SEZ6L: variants seen among roughly 807,000 people sequenced by gnomAD.
SEZ6L encodes seizure related 6 homolog like.
A neutral mutation model predicts 106.2 loss-of-function variants in SEZ6L; 37 were observed. The observed-to-expected ratio is 0.35, with a 90% CI of 0.27 to 0.46. The LOEUF is 0.46. Ranked by LOEUF, SEZ6L falls within the 20% of genes least tolerant of loss-of-function variation. The pLI is 1.00. For missense variants in SEZ6L, 1,172 were observed against 1,332.8 expected (o/e 0.88, Z 1.88); for synonymous variants, 541 against 570.4 (o/e 0.95, Z 0.73).
chr22:26,177,593 T>C (rs1181197852), intron 1 of SEZ6L, among the ~76,000 whole-genome samples: 1 of 152,180 alleles, frequency 6.6e-6, no homozygotes, highest in African/African-American at 2.4e-5. Context: ...TGGGACAGTA[T>C]AGCAAAGTGA....
rs1410310341 is a variant in SEZ6L, at chr22:26,383,332, C to T, written c.*3037C>T. The T allele has an allele frequency of 1.3e-5, 2 of 151,894 alleles. No individual in the cohort carries two copies. The highest frequency in any genetic ancestry group is 2.4e-5 in the African/African-American group (1 of 41,362). The allele number at this position is 151,894 out of a possible 1,614,324, so 9.4% of individuals were successfully genotyped here. A position where few individuals can be genotyped will look rare whatever the true frequency, so the allele number is the denominator to read the frequency against. ...ATGTGGGTAGCTTTAGGCTGAGGCA[C>T]GGGCCTCAGGCAAAAATGCCCTTCG... On this transcript the variant is annotated 3_prime_UTR_variant, in exon 17 of 17. Coordinates refer to ENST00000248933, the MANE Select transcript of SEZ6L (RefSeq NM_021115.5).
At chr22:26,335,924 G>A (rs1368482552) in intron 9 of SEZ6L, among the ~76,000 whole-genome samples, 1 of 151,962 alleles carries the variant, frequency 6.6e-6, no homozygotes, top group Non-Finnish European at 1.5e-5. Flanking sequence ...ATACACATTC[G>A]ACCCTCCCTC....
chr22:26,292,584 T>C lies in SEZ6L; in HGVS notation c.273T>C (p.Ser91=), dbSNP rs2081165637. 6.2e-7 allele frequency: 1 copy of C among 1,613,674 alleles called. No homozygotes were observed. The highest frequency in any genetic ancestry group is 1.7e-5 in the Admixed American group (1 of 59,978). ...GELVLDGTAP[S]AHHDIPALSP... ...TGGTGCTGGATGGGACCGCACCCTC[T>C]GCACATCACGACATCCCAGCCCTGT... Residue 91 remains serine (S), a synonymous_variant, in exon 2 of 17, where the codon TCT becomes TCC. Coordinates refer to ENST00000248933, the MANE Select transcript of SEZ6L (RefSeq NM_021115.5).
chr22:26,314,615 TG>T (rs1190722613), intron 9 of SEZ6L, among the ~76,000 whole-genome samples: 2 of 152,254 alleles, frequency 1.3e-5, no homozygotes, highest in South Asian at 4.1e-4. Context: ...ATGTTTTTAA[TG>T]AACGGACTTA....
intron 1 of SEZ6L, among the ~76,000 whole-genome samples, chr22:26,186,780 A>G (rs1244091714): frequency 6.6e-6 from 1 of 152,132 alleles, no homozygotes; most frequent in South Asian, 2.1e-4. Flanking sequence ...TTAAAGTTTG[A>G]TCAAGCAGAG....
intron 1 of SEZ6L, among the ~76,000 whole-genome samples, chr22:26,284,622 A>C (rs1042014017): frequency 1.3e-5 from 2 of 150,820 alleles, no homozygotes; most frequent in Non-Finnish European, 3.0e-5. Context: ...AAAAAAAAAA[A>C]AAAAAAAAAA....
chr22:26,378,337 A>G (rs751293500), intron 16 of SEZ6L, among the ~76,000 whole-genome samples: 11 of 152,192 alleles, frequency 7.2e-5, no homozygotes, highest in Admixed American at 3.9e-4. Flanking sequence ...AGTTATCTCT[A>G]ATTGATTGAT....
At chr22:26,254,745 A>T (rs879359765) in intron 1 of SEZ6L, among the ~76,000 whole-genome samples, 1 of 152,190 alleles carries the variant, frequency 6.6e-6, no homozygotes, top group Non-Finnish European at 1.5e-5. Flanking sequence ...GCAATTGAGC[A>T]TCTGTCCTAC....
At chr22:26,247,481 G>T (rs1406797082) in intron 1 of SEZ6L, among the ~76,000 whole-genome samples, 1 of 152,152 alleles carries the variant, frequency 6.6e-6, no homozygotes. Flanking sequence ...AGGTCATGTG[G>T]AAGATGCAGA....
intron 7 of SEZ6L, 44 bp from the exon 8 acceptor site, chr22:26,311,724 G>A: frequency 6.5e-7 from 1 of 1,544,532 alleles, no homozygotes; most frequent in Non-Finnish European, 8.9e-7. Context: ...CCGTGGGGTA[G>A]TCCCTGCATC....
Position 26,373,481 on chromosome 22 carries a change from A to G in SEZ6L, c.2825A>G (p.Glu942Gly). ...CAAGACAGTTTTGAACATGCTTTAGAAGGTGAGTTCCAGAACGAAAAAAAA... is the reference window on the plus strand; with the variant it reads ...CAAGACAGTTTTGAACATGCTTTAGGAGGTGAGTTCCAGAACGAAAAAAAA... ...VNQDSFEHAL[E>G]VAEAAAETSL... The change falls in exon 14 of 17, where the codon GAA becomes GGA. Residue 942 changes from glutamate to glycine, a missense_variant and splice_region_variant. Coordinates refer to ENST00000248933, the MANE Select transcript of SEZ6L (RefSeq NM_021115.5). The G allele has an allele frequency of 6.3e-7, 1 of 1,596,504 alleles. No individual in the cohort carries two copies. The highest frequency in any genetic ancestry group is 8.5e-7 in the Non-Finnish European group (1 of 1,174,042).
At chr22:26,343,273 T>A (rs1490750261) in intron 10 of SEZ6L, among the ~76,000 whole-genome samples, 1 of 145,902 alleles carries the variant, frequency 6.9e-6, no homozygotes, top group Non-Finnish European at 1.5e-5. Context: ...TGCTCATTTA[T>A]CTCCCCTAGC....
At chr22:26,359,692 C>A (rs1002547687) in intron 12 of SEZ6L, among the ~76,000 whole-genome samples, 2 of 152,102 alleles carry the variant, frequency 1.3e-5, no homozygotes, top group East Asian at 1.9e-4. Flanking sequence ...GTGGTCCCAG[C>A]GACTCGGGAG....
At chr22:26,206,339 C>A (rs576884320) in intron 1 of SEZ6L, among the ~76,000 whole-genome samples, 2 of 152,304 alleles carry the variant, frequency 1.3e-5, no homozygotes, top group South Asian at 2.1e-4. Context: ...CACCTCACCC[C>A]CTATGATCCA....
chr22:26,236,724 G>A (rs5761431), intron 1 of SEZ6L, among the ~76,000 whole-genome samples: 6 of 152,156 alleles, frequency 3.9e-5, no homozygotes, highest in Non-Finnish European at 5.9e-5. Flanking sequence ...ATTCTACTTA[G>A]CAAAACTAAG....
At chr22:26,190,735 G>A (rs1940134888) in intron 1 of SEZ6L, among the ~76,000 whole-genome samples, 1 of 152,188 alleles carries the variant, frequency 6.6e-6, no homozygotes, top group Non-Finnish European at 1.5e-5. Context: ...GTGGGGACTT[G>A]CCAAAGGAAT....
chr22:26,251,171 G>T (rs540083919), intron 1 of SEZ6L, among the ~76,000 whole-genome samples: 1 of 152,308 alleles, frequency 6.6e-6, no homozygotes, highest in East Asian at 1.9e-4. Context: ...AGGGTCTCCA[G>T]CACTGTGTTT....
At chr22:26,225,480 C>A (rs2078609057) in intron 1 of SEZ6L, among the ~76,000 whole-genome samples, 1 of 152,014 alleles carries the variant, frequency 6.6e-6, no homozygotes, top group South Asian at 2.1e-4. Flanking sequence ...ACAAGCTGAA[C>A]ACATAGAAGG....
chr22:26,370,242 G>A (rs886563806), intron 13 of SEZ6L, among the ~76,000 whole-genome samples: 5 of 152,010 alleles, frequency 3.3e-5, no homozygotes, highest in Non-Finnish European at 7.4e-5. Context: ...AAATTTAGCC[G>A]GGTGTGGTGG....
Sources: gnomAD v4.1 joint callset for allele counts (sites outside exome capture counted in the v4.1 genomes callset) on GRCh38, gnomAD v4.1.1 for gene constraint, MANE v1.5 for transcripts, NCBI Gene and HGNC (gene_info 2026-07-23, HGNC 2026-07-21) for gene names.